Variants in ASB3 observed in about 807,000 individuals in gnomAD.
ASB3 encodes the protein ankyrin repeat and SOCS box protein 3.
In ASB3, 41 loss-of-function variants were observed where a neutral mutation model predicts 54.5. That is an observed-to-expected ratio of 0.75 (90% CI 0.59 to 0.98). The LOEUF is 0.98. Ranked by LOEUF, ASB3 falls within the 50% of genes least tolerant of loss-of-function variation. The pLI is 0.00. For missense variants in ASB3, 733 were observed against 620.0 expected (o/e 1.18, Z -1.94); for synonymous variants, 266 against 221.2 (o/e 1.20, Z -1.80).
intron 6 of ASB3, among the ~76,000 whole-genome samples, chr2:53,714,944 C>A (rs1670305009): frequency 1.3e-5 from 2 of 152,106 alleles, no homozygotes; most frequent in Non-Finnish European, 2.9e-5. Context: ...TTTAAAACAT[C>A]ATTCTACTAA....
At chr2:53,749,811 T>A (rs558362185) in intron 3 of ASB3, among the ~76,000 whole-genome samples, 7 of 152,188 alleles carry the variant, frequency 4.6e-5, no homozygotes, top group African/African-American at 1.7e-4. Context: ...ATTGGCAGCA[T>A]GATGGAATTT....
intron 5 of ASB3, among the ~76,000 whole-genome samples, chr2:53,719,899 G>T (rs1338429151): frequency 6.6e-6 from 1 of 152,044 alleles, no homozygotes; most frequent in African/African-American, 2.4e-5. Flanking sequence ...ATAAATCTTG[G>T]GACCCCCACA....
At chr2:53,695,134 G>A (rs191005792) in intron 8 of ASB3, among the ~76,000 whole-genome samples, 43 of 152,130 alleles carry the variant, frequency 2.8e-4, no homozygotes, top group Admixed American at 2.6e-3. Flanking sequence ...AACAACAACT[G>A]AAGAAGGAAA....
At chr2:53,752,031 G>A (rs2104011659) in intron 2 of ASB3, among the ~76,000 whole-genome samples, 1 of 152,254 alleles carries the variant, frequency 6.6e-6, no homozygotes, top group East Asian at 1.9e-4. Context: ...ACAGTTTTGT[G>A]AATACAAATG....
At chr2:53,698,287 G>A (rs998828710) in intron 8 of ASB3, among the ~76,000 whole-genome samples, 1 of 152,106 alleles carries the variant, frequency 6.6e-6, no homozygotes, top group Non-Finnish European at 1.5e-5. Context: ...TGCCTTCAAG[G>A]TTTTTTTCTA....
intron 2 of ASB3, among the ~76,000 whole-genome samples, chr2:53,755,613 T>C (rs1672770504): frequency 6.6e-6 from 1 of 152,198 alleles, no homozygotes; most frequent in South Asian, 2.1e-4. Context: ...TTAGGTATTA[T>C]AAGAAAAGGT....
At chr2:53,710,772 C>A (rs147448577) in intron 7 of ASB3, among the ~76,000 whole-genome samples, 80 of 152,290 alleles carry the variant, frequency 5.3e-4, no homozygotes, top group African/African-American at 1.5e-3. Flanking sequence ...AGCTTGGACC[C>A]ATGAATGTGC....
chr2:53,685,603 T>C (rs1456845316), intron 9 of ASB3, among the ~76,000 whole-genome samples: 1 of 152,196 alleles, frequency 6.6e-6, no homozygotes, highest in African/African-American at 2.4e-5. Flanking sequence ...AAGAAGCAAG[T>C]CCAAAGAAAT....
chr2:53,778,299 TTAATTA>T (rs1191341736), intron 1 of ASB3, among the ~76,000 whole-genome samples: 1 of 152,228 alleles, frequency 6.6e-6, no homozygotes, highest in African/African-American at 2.4e-5. Flanking sequence ...TTTTTATTTT[TTAATTA>T]TAAACTGACT....
At chr2:53,763,650 A>G (rs975469943) in intron 2 of ASB3, 1 of 169,574 alleles carries the variant, frequency 5.9e-6, no homozygotes, top group Non-Finnish European at 1.5e-5. Flanking sequence ...CCTTTAGTCA[A>G]AAGCATGCCC....
At chr2:53,760,563 A>G (rs1381413480) in intron 2 of ASB3, among the ~76,000 whole-genome samples, 1 of 152,252 alleles carries the variant, frequency 6.6e-6, no homozygotes, top group East Asian at 1.9e-4. Flanking sequence ...CCTCAAGAGT[A>G]CATAGCTTCT....
chr2:53,760,079 G>A (rs553763323), intron 2 of ASB3, among the ~76,000 whole-genome samples: 35 of 152,272 alleles, frequency 2.3e-4, no homozygotes, highest in Admixed American at 6.5e-4. Context: ...TGTGACTGGC[G>A]AACTTTACTC....
At position 53,729,542 on chromosome 2, in the gene ASB3, T is replaced by TA. The variant is rs1227303811; in HGVS notation, c.383dup (p.Leu128PhefsTer12). On this transcript the variant is annotated frameshift_variant, in exon 4 of 10. Transcript: ENST00000263634. LOFTEE classifies it high-confidence loss of function. ...TTGCTCCGTGTTGAAGCAACAGCCT[T>TA]AACACATCTATCTGTCCATTTTCAA... 6.2e-7 allele frequency: 1 copy of TA among 1,613,758 alleles called. No homozygotes were observed. Among genetic ancestry groups the TA allele is most frequent in the African/African-American group, 1.3e-5 (1 of 74,910 alleles).
chr2:53,750,191 A>T (rs1039088615), intron 3 of ASB3, among the ~76,000 whole-genome samples: 2 of 152,116 alleles, frequency 1.3e-5, no homozygotes, highest in African/African-American at 4.8e-5. Flanking sequence ...ACTTTATGGG[A>T]CACAATGTCC....
intron 3 of ASB3, among the ~76,000 whole-genome samples, chr2:53,749,320 G>A (rs1261076731): frequency 6.6e-6 from 1 of 152,058 alleles, no homozygotes; most frequent in African/African-American, 2.4e-5. Flanking sequence ...AATAGCAAAT[G>A]TTGGCAAGGA....
chr2:53,730,867 T>G (rs1305163900), intron 3 of ASB3, among the ~76,000 whole-genome samples: 1 of 152,114 alleles, frequency 6.6e-6, no homozygotes, highest in Non-Finnish European at 1.5e-5. Context: ...AGGCAGGAAG[T>G]GGGAATCAAC....
intron 3 of ASB3, among the ~76,000 whole-genome samples, chr2:53,745,829 T>C (rs1003495116): frequency 4.6e-5 from 7 of 152,242 alleles, no homozygotes; most frequent in Admixed American, 2.0e-4. Context: ...GAAAGGAAGC[T>C]ATTCTAGACA....
intron 3 of ASB3, among the ~76,000 whole-genome samples, chr2:53,736,287 G>A (rs186936853): frequency 1.1e-3 from 169 of 152,252 alleles, no homozygotes; most frequent in African/African-American, 3.8e-3. Context: ...AAACCTCAGT[G>A]AGCACCCACA....
Position 53,670,201 on chromosome 2 carries a change from A to G in ASB3, c.*302T>C, listed in dbSNP as rs551334659. On this transcript the variant is annotated 3_prime_UTR_variant, in exon 10 of 10. Transcript: ENST00000263634. ...ACAGTTTATTAGCAAAATAAAGCAG[A>G]AAATGATCAAAATGATCAGGTAAAT... 14 of 219,868 alleles carry G rather than the reference A, an allele frequency of 6.4e-5. No homozygotes were observed. The highest frequency in any genetic ancestry group is 2.8e-4 in the African/African-American group (12 of 43,078). 13.6% of individuals were successfully genotyped at this position (219,868 alleles called of 1,614,324 possible). A position where few individuals can be genotyped will look rare whatever the true frequency, so the allele number is the denominator to read the frequency against.
Sources: allele counts gnomAD v4.1 joint callset (sites outside exome capture counted in the v4.1 genomes callset), GRCh38; gene constraint gnomAD v4.1.1; transcripts MANE v1.5; gene names NCBI Gene and HGNC (gene_info 2026-07-23, HGNC 2026-07-21).